PARG: variants seen among roughly 807,000 people sequenced by gnomAD.
PARG encodes mitochondrial poly(ADP-ribose) glycohydrolase.
In PARG, 35 loss-of-function variants were observed where a neutral mutation model predicts 113.0. The ratio of observed to expected loss-of-function variants is 0.31; its 90% CI spans 0.24 to 0.41. PARG has a LOEUF of 0.41. PARG is among the 10% of genes least tolerant of loss of function. The pLI, the probability that PARG is intolerant of heterozygous loss-of-function variation, is 1.00. For missense variants in PARG, 797 were observed against 1,169.4 expected, an observed-to-expected ratio of 0.68 and a Z score of 4.64; for synonymous variants, 330 against 409.9, an observed-to-expected ratio of 0.81 and a Z score of 2.36.
intron 7 of PARG, among the ~76,000 whole-genome samples, chr10:49,892,721 C>A (rs1554841816): frequency 6.6e-6 from 1 of 152,158 alleles, no homozygotes; most frequent in Non-Finnish European, 1.5e-5. Context: ...CATATCAATG[C>A]ATTTTTTAAT....
At chr10:49,844,532 A>T (rs1270281897) in intron 13 of PARG, among the ~76,000 whole-genome samples, 2 of 151,190 alleles carry the variant, frequency 1.3e-5, no homozygotes, top group East Asian at 3.9e-4. Context: ...CTGAGGCAGG[A>T]GAATCGCTTG....
In PARG at chr10:49,869,527, G is replaced by C. The variant is rs1554837522; in HGVS notation, c.2017C>G (p.Pro673Ala). The change falls in exon 10 of 18, where the codon CCG becomes GCG. Residue 673 changes from proline (P) to alanine (A), a missense_variant. Physicochemically the swap from Pro to Ala is conservative, Grantham distance 27. Coordinates refer to ENST00000616448, the MANE Select transcript of PARG (RefSeq NM_003631.5). ...CAGAAGAGCGTTTTAAGTTTCTCCG[G>C]TTTCCTTGATGAACGTCCCTCAAAC... Reference protein sequence around the residue: ...RLFEGRSSRKPEKLKTLFCYF... With the variant: ...RLFEGRSSRKAEKLKTLFCYF... 1.5e-6 allele frequency: 2 copies of C among 1,333,680 alleles called. No homozygotes were observed. The highest frequency in any genetic ancestry group is 2.1e-6 in the Non-Finnish European group (2 of 944,852). The allele number at this position is 1,333,680 out of a possible 1,614,324, so 82.6% of individuals were successfully genotyped here. A position where few individuals can be genotyped will look rare whatever the true frequency, so the allele number is the denominator to read the frequency against.
At position 49,829,730 on chromosome 10, in the gene PARG, T is replaced by A. The variant is rs575753795; in HGVS notation, c.2647+3073A>T. 2.6e-5 allele frequency among the ~76,000 whole-genome samples: 4 copies of A among 152,292 alleles called. No individual in the cohort carries two copies. The East Asian group carries it at 7.7e-4, about 29-fold the overall frequency. ...ATCCTGGCACGTAAACAGATGAACA[T>A]AGAGAACTGCAAATTTGTGTGTGAT... is the stretch of plus-strand genomic sequence containing the variant. On this transcript the variant is annotated intron_variant, in intron 16 of 17. Coordinates refer to ENST00000616448, the MANE Select transcript of PARG (RefSeq NM_003631.5).
chr10:49,862,437 A>T (rs1846298198), intron 11 of PARG, among the ~76,000 whole-genome samples: 1 of 151,908 alleles, frequency 6.6e-6, no homozygotes, highest in Non-Finnish European at 1.5e-5. Flanking sequence ...GGAGATGATT[A>T]TATTTTTAGA....
At chr10:49,900,361 C>T (rs1249505195) in intron 7 of PARG, among the ~76,000 whole-genome samples, 3 of 151,462 alleles carry the variant, frequency 2.0e-5, no homozygotes. Context: ...TGGAAATTTC[C>T]CCATCATGAC....
Position 49,912,392 on chromosome 10 carries a change from C to A in PARG, c.1737+3525G>T, listed in dbSNP as rs138499606. ...AGAACCCTTAGTTTAAGGCCGAGCG[C>A]GGTGGCTCATGCCTGTAATCCCAGC... On this transcript the variant is annotated intron_variant, in intron 7 of 17. Coordinates refer to ENST00000616448, the MANE Select transcript of PARG (RefSeq NM_003631.5). Among the ~76,000 whole-genome samples the A allele has an allele frequency of 6.0e-3, 913 of 152,204 alleles. 1 individual carries two copies. The highest frequency in any genetic ancestry group is 0.017 in the Middle Eastern group (5 of 294).
Position 49,941,944 on chromosome 10 carries a change from T to C in PARG, c.-219A>G, listed in dbSNP as rs1356770547. 2.1e-6 allele frequency: 2 copies of C among 947,366 alleles called. No homozygotes were observed. Among genetic ancestry groups the C allele is most frequent in the Middle Eastern group, 3.1e-4 (1 of 3,214 alleles). 58.7% of individuals were successfully genotyped at this position (947,366 alleles called of 1,614,324 possible). A position where few individuals can be genotyped will look rare whatever the true frequency, so the allele number is the denominator to read the frequency against. On this transcript the variant is annotated 5_prime_UTR_variant, in exon 1 of 18. Coordinates refer to ENST00000616448, the MANE Select transcript of PARG (RefSeq NM_003631.5). Reference sequence around the variant, plus strand: ...TCCACTGGCACCCCACCTGCCTCAATGCGCCGCTTTGATTCGGGATTCGTT... The same window carrying C: ...TCCACTGGCACCCCACCTGCCTCAACGCGCCGCTTTGATTCGGGATTCGTT...
chr10:49,820,047 T>C, intron 17 of PARG, 118 bp downstream of exon 17: 3 of 706,368 alleles, frequency 4.2e-6, no homozygotes, highest in Non-Finnish European at 4.8e-6. Context: ...CCTTCCTGCT[T>C]AGAGCCATGC....
At chr10:49,913,298 G>T (rs1837299752) in intron 7 of PARG, among the ~76,000 whole-genome samples, 1 of 152,146 alleles carries the variant, frequency 6.6e-6, no homozygotes, top group Non-Finnish European at 1.5e-5. Context: ...CAATCACAGG[G>T]AGAACCCCCT....
At chr10:49,851,923 G>GT (rs1845778917) in intron 13 of PARG, among the ~76,000 whole-genome samples, 1 of 149,846 alleles carries the variant, frequency 6.7e-6, no homozygotes, top group African/African-American at 2.4e-5. Context: ...CTGTATAAAA[G>GT]TATTTGCCTG....
intron 7 of PARG, among the ~76,000 whole-genome samples, chr10:49,895,645 AT>A (rs1238889642): frequency 6.6e-6 from 1 of 151,992 alleles, no homozygotes; most frequent in African/African-American, 2.4e-5. Context: ...TCCTCAAGTG[AT>A]CCACCCACCT....
chr10:49,929,826 C>CAAAAAAA (rs1238299427), intron 4 of PARG, among the ~76,000 whole-genome samples: 1 of 84,902 alleles, frequency 1.2e-5, no homozygotes. Flanking sequence ...AAAACTCCAT[C>CAAAAAAA]AAAAAAAAAA....
At chr10:49,921,769 T>A (rs11596379) in intron 6 of PARG, among the ~76,000 whole-genome samples, 43,570 of 151,278 alleles carry the variant, frequency 0.29, 6,389 homozygotes, top group Non-Finnish European at 0.32. Context: ...ACACACACAC[T>A]CTCACTCATA....
intron 13 of PARG, among the ~76,000 whole-genome samples, chr10:49,853,035 T>A (rs868919196): frequency 5.5e-5 from 5 of 90,492 alleles, no homozygotes; most frequent in East Asian, 4.6e-4. Flanking sequence ...AAAAAAAAAA[T>A]TTTTTTTTTT....
intron 16 of PARG, among the ~76,000 whole-genome samples, chr10:49,822,460 A>G (rs1844148023): frequency 6.6e-6 from 1 of 152,228 alleles, no homozygotes; most frequent in Non-Finnish European, 1.5e-5. Context: ...ACCAGAAGGT[A>G]AAGTAGTGCT....
intron 1 of PARG, among the ~76,000 whole-genome samples, chr10:49,941,166 C>T (rs1205087972): frequency 6.6e-6 from 1 of 152,162 alleles, no homozygotes; most frequent in Non-Finnish European, 1.5e-5. Flanking sequence ...TGTTTTCTTC[C>T]TATCTAGAGG....
chr10:49,907,280 A>T (rs1836906351), intron 7 of PARG, among the ~76,000 whole-genome samples: 1 of 152,022 alleles, frequency 6.6e-6, no homozygotes, highest in Non-Finnish European at 1.5e-5. Context: ...TTATTTAGCC[A>T]GCTTAGAATC....
At chr10:49,832,765 TGGGC>T in intron 16 of PARG, 34 bp downstream of exon 16, 1 of 1,207,182 alleles carries the variant, frequency 8.3e-7, no homozygotes, top group Non-Finnish European at 1.2e-6. Flanking sequence ...TTTTTTTGTG[TGGGC>T]AGAATGCTTT....
At chr10:49,927,369 G>GGAAAGAAGGAAAGAAGGAAAGAAAGAAA (rs1247056972) in intron 4 of PARG, among the ~76,000 whole-genome samples, 2 of 130,762 alleles carry the variant, frequency 1.5e-5, no homozygotes, top group South Asian at 2.7e-4. Context: ...AAGGAAAGAA[G>GGAAAGAAGGAAAGAAGGAAAGAAAGAAA]GAAAGAAAGA....
Sources: allele counts gnomAD v4.1 joint callset (sites outside exome capture counted in the v4.1 genomes callset), GRCh38; gene constraint gnomAD v4.1.1; transcripts MANE v1.5; gene names NCBI Gene and HGNC (gene_info 2026-07-23, HGNC 2026-07-21).